Variants in NCAM1 observed in about 807,000 individuals in gnomAD.
The protein encoded by NCAM1 is antigen recognized by monoclonal antibody 5.1H11.
Under a neutral mutation model 109.8 loss-of-function variants are expected in NCAM1, and 14 were observed. That is an observed-to-expected ratio of 0.13 (90% CI 0.08 to 0.20). The LOEUF (loss-of-function observed/expected upper bound fraction) is 0.20. Ranked by LOEUF, NCAM1 falls within the 10% of genes least tolerant of loss-of-function variation. NCAM1 has a pLI of 1.00. For synonymous variants in NCAM1, 418 were observed against 442.9 expected, an observed-to-expected ratio of 0.94 and a Z score of 0.70; for missense variants, 774 against 1,109.9, an observed-to-expected ratio of 0.70 and a Z score of 4.30.
At chr11:113,074,755 C>T (rs1938451198) in intron 1 of NCAM1, among the ~76,000 whole-genome samples, 1 of 152,138 alleles carries the variant, frequency 6.6e-6, no homozygotes, top group Admixed American at 6.5e-5. Flanking sequence ...CCTCAGCCCC[C>T]CAAATAGCTG....
At chr11:113,025,796 A>T (rs1266286573) in intron 1 of NCAM1, among the ~76,000 whole-genome samples, 1 of 51,994 alleles carries the variant, frequency 1.9e-5, no homozygotes, top group Non-Finnish European at 4.1e-5. Flanking sequence ...AGAGAGAGAG[A>T]GAGAGAGAGA....
chr11:113,155,949 C>T (rs1555103404), intron 1 of NCAM1, among the ~76,000 whole-genome samples: 1 of 152,116 alleles, frequency 6.6e-6, no homozygotes, highest in Non-Finnish European at 1.5e-5. Context: ...CAGAGTCACA[C>T]TGTGACAAAG....
chr11:113,237,336 G>C (rs565171019), intron 14 of NCAM1, among the ~76,000 whole-genome samples: 62 of 152,330 alleles, frequency 4.1e-4, no homozygotes, highest in Admixed American at 3.1e-3. Context: ...GCTCCTGAAA[G>C]GTACCCAAGG....
intron 1 of NCAM1, among the ~76,000 whole-genome samples, chr11:113,198,373 ATTT>A (rs201270539): frequency 5.5e-5 from 8 of 144,596 alleles, no homozygotes; most frequent in East Asian, 2.0e-4. Context: ...TGATATTAGA[ATTT>A]TTTTTTTTTT....
chr11:113,129,613 G>A (rs926348787), intron 1 of NCAM1, among the ~76,000 whole-genome samples: 19 of 152,118 alleles, frequency 1.2e-4, no homozygotes, highest in African/African-American at 4.1e-4. Flanking sequence ...TAAATATGGC[G>A]TTATTCTGGA....
chr11:113,205,130 G>A lies in NCAM1; in HGVS notation c.347-393G>A, dbSNP rs79526853. ...GGGGTGGGACTGGGAGTAGCAGTTC[G>A]AGTGGGAGACAAGAAAAGGACTGAT... On this transcript the variant is annotated intron_variant, in intron 3 of 19. Coordinates refer to ENST00000316851, the MANE Select transcript of NCAM1 (RefSeq NM_181351.5). Among the ~76,000 whole-genome samples, 27 of 152,282 alleles carry A rather than the reference G, an allele frequency of 1.8e-4. No individual in the cohort carries two copies. The East Asian group carries it at 3.1e-3, about 17-fold the overall frequency.
intron 1 of NCAM1, among the ~76,000 whole-genome samples, chr11:113,160,298 T>C (rs1942558811): frequency 6.6e-6 from 1 of 152,188 alleles, no homozygotes; most frequent in African/African-American, 2.4e-5. Flanking sequence ...AAATGGTGTT[T>C]CAGAGAATGA....
At chr11:113,008,158 T>G (rs1951936228) in intron 1 of NCAM1, among the ~76,000 whole-genome samples, 1 of 152,206 alleles carries the variant, frequency 6.6e-6, no homozygotes, top group African/African-American at 2.4e-5. Context: ...ATAGTCTTAT[T>G]CCAGTATGGC....
chr11:113,017,606 T>C (rs897178950), intron 1 of NCAM1, among the ~76,000 whole-genome samples: 2 of 142,694 alleles, frequency 1.4e-5, no homozygotes, highest in Admixed American at 1.5e-4. Context: ...ACTTTTATGT[T>C]GATAATAAAG....
intron 1 of NCAM1, among the ~76,000 whole-genome samples, chr11:112,982,210 TG>T (rs1951171932): frequency 6.6e-6 from 1 of 152,022 alleles, no homozygotes; most frequent in Admixed American, 6.6e-5. Flanking sequence ...AGTTTCACTC[TG>T]AGCCCCTTGT....
intron 17 of NCAM1, among the ~76,000 whole-genome samples, chr11:113,262,678 A>G (rs1424288745): frequency 2.6e-5 from 4 of 151,048 alleles, no homozygotes; most frequent in African/African-American, 7.3e-5. Flanking sequence ...CTTTTTATCT[A>G]TTTTTTTCTC....
chr11:113,079,342 C>G (rs1333213796), intron 1 of NCAM1, among the ~76,000 whole-genome samples: 2 of 152,118 alleles, frequency 1.3e-5, no homozygotes, highest in African/African-American at 4.8e-5. Flanking sequence ...GTAGAGTAAG[C>G]CTCAAACCGG....
intron 1 of NCAM1, among the ~76,000 whole-genome samples, chr11:113,104,664 C>T (rs142622758): frequency 3.3e-5 from 5 of 152,176 alleles, no homozygotes; most frequent in African/African-American, 4.8e-5. Flanking sequence ...GTAATTTGAA[C>T]GATGCAAAAC....
intron 16 of NCAM1, among the ~76,000 whole-genome samples, chr11:113,259,699 G>GC (rs1446738744): frequency 7.5e-6 from 1 of 134,008 alleles, no homozygotes; most frequent in East Asian, 2.1e-4. Flanking sequence ...TCCCATCATT[G>GC]CTTTTTTTTT....
At chr11:113,149,108 G>A (rs1942127529) in intron 1 of NCAM1, among the ~76,000 whole-genome samples, 1 of 152,194 alleles carries the variant, frequency 6.6e-6, no homozygotes, top group South Asian at 2.1e-4. Context: ...TTCAGACCAA[G>A]CATCCTGAAA....
chr11:113,213,372 A>G (rs567776213), intron 7 of NCAM1, among the ~76,000 whole-genome samples: 11 of 152,240 alleles, frequency 7.2e-5, no homozygotes, highest in African/African-American at 2.2e-4. Context: ...GGAAAATTCA[A>G]TTTTCTCTAA....
chr11:113,255,686 C>A lies in NCAM1; in HGVS notation c.1829-191C>A, dbSNP rs573924343. Among the ~76,000 whole-genome samples the A allele has an allele frequency of 1.3e-5, 2 of 150,566 alleles. 1 individual carries two copies. Among genetic ancestry groups the A allele is most frequent in the South Asian group, 4.2e-4 (2 of 4,736 alleles). ...TATTTACCAGAACATTCCCAAGAGG[C>A]ACTCTCAGTTTGGGCTCAGTCTGAG... On this transcript the variant is annotated intron_variant, in intron 15 of 19. Transcript: ENST00000316851.
chr11:113,133,565 T>C (rs1395096197), intron 1 of NCAM1: 2 of 152,118 alleles, frequency 1.3e-5, no homozygotes, highest in African/African-American at 4.8e-5. Context: ...AAGTGATGGA[T>C]TGTGAGGACC....
intron 8 of NCAM1, among the ~76,000 whole-genome samples, chr11:113,219,007 C>A (rs527741401): frequency 4.6e-5 from 7 of 152,270 alleles, no homozygotes; most frequent in African/African-American, 1.4e-4. Context: ...CTGACTGAGA[C>A]CCGTGGATGA....
Sources: gnomAD v4.1 joint callset for allele counts (sites outside exome capture counted in the v4.1 genomes callset) on GRCh38, gnomAD v4.1.1 for gene constraint, MANE v1.5 for transcripts, NCBI Gene and HGNC (gene_info 2026-07-23, HGNC 2026-07-21) for gene names.